The following ZDHHC17 variants were observed in gnomAD, a reference collection of about 807,000 sequenced individuals.
ZDHHC17 encodes zDHHC palmitoyltransferase 17.
In ZDHHC17, 40 loss-of-function variants were observed where a neutral mutation model predicts 90.3. The ratio of observed to expected loss-of-function variants is 0.44; its 90% CI spans 0.34 to 0.58. ZDHHC17 has a LOEUF of 0.58. ZDHHC17 is among the 20% of genes least tolerant of loss of function. ZDHHC17 has a pLI of 0.01. For synonymous variants in ZDHHC17, 235 were observed against 252.4 expected (o/e 0.93, Z 0.65); for missense variants, 614 against 780.8 (o/e 0.79, Z 2.55).
At position 76,845,810 on chromosome 12, in the gene ZDHHC17, G is replaced by A; in HGVS notation, c.1423+8G>A. On this transcript the variant is annotated splice_region_variant and intron_variant, in intron 13 of 16. Transcript: ENST00000426126. ...GGGTGGGTAACTGTGTAGGTAAGTT[G>A]TATTAGTAATTTCTTCTGTATCATT... 3 of 1,506,864 alleles carry A rather than the reference G, an allele frequency of 2.0e-6. No homozygotes were observed. The highest frequency in any genetic ancestry group is 2.8e-6 in the Non-Finnish European group (3 of 1,085,652). The allele number at this position is 1,506,864 out of a possible 1,614,324, so 93.3% of individuals were successfully genotyped here.
At chr12:76,824,855 AGAAAG>A (rs1329973538) in intron 8 of ZDHHC17, among the ~76,000 whole-genome samples, 2 of 151,274 alleles carry the variant, frequency 1.3e-5, no homozygotes, top group Non-Finnish European at 2.9e-5. Flanking sequence ...AAAAAAAAAA[AGAAAG>A]GGGGACAATA....
At chr12:76,798,012 A>G (rs955402437) in intron 2 of ZDHHC17, among the ~76,000 whole-genome samples, 26 of 152,114 alleles carry the variant, frequency 1.7e-4, no homozygotes, top group African/African-American at 5.3e-4. Context: ...GGATAATTGA[A>G]TAGGTCTGTT....
intron 10 of ZDHHC17, among the ~76,000 whole-genome samples, chr12:76,833,897 G>C (rs1387887807): frequency 6.6e-6 from 1 of 152,070 alleles, no homozygotes; most frequent in South Asian, 2.1e-4. Context: ...GTTTCTCTTC[G>C]TATTATTTAT....
chr12:76,841,221 C>A (rs555893041), intron 10 of ZDHHC17: 4 of 152,106 alleles, frequency 2.6e-5, no homozygotes, highest in Non-Finnish European at 5.9e-5. Flanking sequence ...AGAAGCTGTT[C>A]TTTTTCTATC....
At chr12:76,817,927 C>G (rs753871698) in intron 7 of ZDHHC17, among the ~76,000 whole-genome samples, 9 of 152,092 alleles carry the variant, frequency 5.9e-5, no homozygotes, top group Non-Finnish European at 7.4e-5. Flanking sequence ...TATTGTAGTT[C>G]ATGCGAATAC....
intron 1 of ZDHHC17, among the ~76,000 whole-genome samples, chr12:76,780,018 C>T (rs1183060874): frequency 6.6e-6 from 1 of 152,140 alleles, no homozygotes; most frequent in African/African-American, 2.4e-5. Flanking sequence ...ATGTATTCCT[C>T]AGCCAATACT....
intron 7 of ZDHHC17, chr12:76,820,961 A>G: frequency 1.4e-6 from 1 of 735,290 alleles, no homozygotes; most frequent in Non-Finnish European, 2.0e-6. Context: ...TTGAGTGTTT[A>G]TTTTACCAGC....
At chr12:76,797,941 CCACA>C (rs60610921) in intron 2 of ZDHHC17, among the ~76,000 whole-genome samples, 2,837 of 147,504 alleles carry the variant, frequency 0.019, 58 homozygotes, top group East Asian at 0.057. Flanking sequence ...TGAAACTCTG[CCACA>C]CACACACACA....
chr12:76,806,423 CG>C (rs1952954131), intron 3 of ZDHHC17, among the ~76,000 whole-genome samples: 1 of 152,086 alleles, frequency 6.6e-6, no homozygotes, highest in South Asian at 2.1e-4. Flanking sequence ...GGATTATAGG[CG>C]GGTGCCAATA....
chr12:76,802,455 A>G (rs1952902686), intron 2 of ZDHHC17, among the ~76,000 whole-genome samples: 4 of 152,182 alleles, frequency 2.6e-5, no homozygotes, highest in Middle Eastern at 3.4e-3. Context: ...CGTTGACTTC[A>G]TTGATGTTTA....
At chr12:76,807,506 T>C (rs949264196) in intron 3 of ZDHHC17, among the ~76,000 whole-genome samples, 4 of 152,190 alleles carry the variant, frequency 2.6e-5, no homozygotes, top group Non-Finnish European at 5.9e-5. Context: ...AGATTAAGAA[T>C]TGTGCAATCT....
intron 2 of ZDHHC17, 35 bp downstream of exon 2, chr12:76,797,572 GT>G: frequency 6.8e-7 from 1 of 1,474,906 alleles, no homozygotes; most frequent in South Asian, 1.3e-5. Context: ...TCTTTGGCAT[GT>G]GTATTTCAAG....
At chr12:76,831,148 G>A (rs1052346129) in intron 10 of ZDHHC17, among the ~76,000 whole-genome samples, 2 of 152,166 alleles carry the variant, frequency 1.3e-5, no homozygotes, top group African/African-American at 2.4e-5. Flanking sequence ...CTGTAAAGGG[G>A]AGATAATAGT....
chr12:76,800,595 T>A (rs1315808518), intron 2 of ZDHHC17, among the ~76,000 whole-genome samples: 1 of 152,244 alleles, frequency 6.6e-6, no homozygotes, highest in African/African-American at 2.4e-5. Context: ...TTTATTAATA[T>A]GTAATGTCTT....
intron 1 of ZDHHC17, among the ~76,000 whole-genome samples, chr12:76,765,867 A>G (rs560011159): frequency 4.6e-5 from 7 of 152,066 alleles, no homozygotes; most frequent in African/African-American, 1.7e-4. Context: ...TACCCGGCTG[A>G]TTTTTTTATT....
At chr12:76,829,583 T>C (rs1216979957) in intron 10 of ZDHHC17, among the ~76,000 whole-genome samples, 2 of 152,112 alleles carry the variant, frequency 1.3e-5, no homozygotes, top group Non-Finnish European at 2.9e-5. Flanking sequence ...AAACTTGTAT[T>C]TTTCTAACTA....
chr12:76,798,115 A>G (rs903332912), intron 2 of ZDHHC17, among the ~76,000 whole-genome samples: 2 of 152,204 alleles, frequency 1.3e-5, no homozygotes, highest in African/African-American at 4.8e-5. Context: ...CATTGTTGGA[A>G]TTAAAGCACT....
At chr12:76,799,026 A>G (rs1243923608) in intron 2 of ZDHHC17, among the ~76,000 whole-genome samples, 2 of 152,086 alleles carry the variant, frequency 1.3e-5, no homozygotes, top group Non-Finnish European at 2.9e-5. Context: ...GGTCCCAGCT[A>G]CTCGGAAGGC....
At chr12:76,833,696 G>A (rs921616539) in intron 10 of ZDHHC17, among the ~76,000 whole-genome samples, 1 of 152,184 alleles carries the variant, frequency 6.6e-6, no homozygotes, top group African/African-American at 2.4e-5. Flanking sequence ...GGAGGCTGAG[G>A]CAGGAGAATG....
Sources: allele counts gnomAD v4.1 joint callset (sites outside exome capture counted in the v4.1 genomes callset), GRCh38; gene constraint gnomAD v4.1.1; transcripts MANE v1.5; gene names NCBI Gene and HGNC (gene_info 2026-07-23, HGNC 2026-07-21).